KCNIP4: variants seen among roughly 807,000 people sequenced by gnomAD.
KCNIP4 encodes Kv channel-interacting protein 4.
In KCNIP4, 12 loss-of-function variants were observed where a neutral mutation model predicts 34.0. The ratio of observed to expected loss-of-function variants is 0.35; its 90% CI spans 0.23 to 0.57. The LOEUF (loss-of-function observed/expected upper bound fraction) is 0.57, where lower values mean the gene tolerates loss of function less well. KCNIP4 is among the 20% of genes least tolerant of loss of function. The probability of loss-of-function intolerance (pLI) is 0.83; values close to 1 mark genes in which losing one functional copy is unlikely to be tolerated. For synonymous variants in KCNIP4, 124 were observed against 102.2 expected, an observed-to-expected ratio of 1.21 and a Z score of -1.29; for missense variants, 238 against 311.7, an observed-to-expected ratio of 0.76 and a Z score of 1.78.
intron 1 of KCNIP4, among the ~76,000 whole-genome samples, chr4:21,768,217 T>A (rs1718552052): frequency 6.6e-6 from 1 of 152,118 alleles, no homozygotes; most frequent in East Asian, 1.9e-4. Context: ...GGATTTTGGA[T>A]ACAGTATGCA....
At chr4:21,872,583 G>A (rs1024879919) in intron 1 of KCNIP4, among the ~76,000 whole-genome samples, 2 of 152,032 alleles carry the variant, frequency 1.3e-5, no homozygotes, top group African/African-American at 2.4e-5. Context: ...AGAAAGGAGG[G>A]ACAGAGAAAA....
chr4:21,835,465 T>C (rs1560749850), intron 1 of KCNIP4, among the ~76,000 whole-genome samples: 1 of 151,734 alleles, frequency 6.6e-6, no homozygotes, highest in Admixed American at 6.6e-5. Flanking sequence ...TGTCCAATAC[T>C]AACCTTGGAT....
chr4:20,766,306 T>C (rs1755407967), intron 3 of KCNIP4, among the ~76,000 whole-genome samples: 3 of 152,264 alleles, frequency 2.0e-5, no homozygotes, highest in South Asian at 4.1e-4. Context: ...CGGTGGGTCA[T>C]GCCTGTAATC....
chr4:21,199,905 G>C (rs1412838474), intron 1 of KCNIP4, among the ~76,000 whole-genome samples: 1 of 152,068 alleles, frequency 6.6e-6, no homozygotes, highest in Admixed American at 6.6e-5. Flanking sequence ...CATGGATGAA[G>C]CTGGAAACCA....
intron 1 of KCNIP4, among the ~76,000 whole-genome samples, chr4:21,401,337 T>C (rs543311537): frequency 6.6e-6 from 1 of 152,314 alleles, no homozygotes; most frequent in Non-Finnish European, 1.5e-5. Context: ...AACATGGACT[T>C]TCTCTTTAAG....
chr4:21,465,268 T>C (rs148483313), intron 1 of KCNIP4, among the ~76,000 whole-genome samples: 3 of 152,268 alleles, frequency 2.0e-5, no homozygotes, highest in Non-Finnish European at 4.4e-5. Context: ...ATCCAGAATC[T>C]GATGGCCAAT....
At chr4:21,565,785 A>T (rs1363771148) in intron 1 of KCNIP4, among the ~76,000 whole-genome samples, 1 of 152,172 alleles carries the variant, frequency 6.6e-6, no homozygotes, top group African/African-American at 2.4e-5. Flanking sequence ...AACTCATAGA[A>T]AAATGAGGAG....
At chr4:21,312,654 C>T (rs1187534406) in intron 1 of KCNIP4, among the ~76,000 whole-genome samples, 2 of 152,196 alleles carry the variant, frequency 1.3e-5, no homozygotes, top group Non-Finnish European at 2.9e-5. Flanking sequence ...GGAATAGACA[C>T]AAGTTTCTAT....
intron 3 of KCNIP4, among the ~76,000 whole-genome samples, chr4:20,793,904 T>C (rs1713105279): frequency 6.6e-6 from 1 of 152,000 alleles, no homozygotes; most frequent in Non-Finnish European, 1.5e-5. Context: ...GAACTGTAAC[T>C]CCCACAATTC....
chr4:21,680,699 AT>A (rs1264072945), intron 1 of KCNIP4, among the ~76,000 whole-genome samples: 1 of 152,210 alleles, frequency 6.6e-6, no homozygotes, highest in Non-Finnish European at 1.5e-5. Flanking sequence ...CTCTTTGTCT[AT>A]CTCCATCAGA....
chr4:21,071,797 C>A (rs904765259), intron 1 of KCNIP4, among the ~76,000 whole-genome samples: 1 of 152,126 alleles, frequency 6.6e-6, no homozygotes, highest in South Asian at 2.1e-4. Context: ...CGTCCCTCCC[C>A]CTACCCCACA....
In KCNIP4 at chr4:21,117,315, G is replaced by C. The variant is rs566675688; in HGVS notation, c.62-234606C>G. ...CCGGGGTTGCCGGGGGGGGGGGGGG[G>C]GGGGCGCTGTTTTTCATCTTCCTCG... is the stretch of plus-strand genomic sequence containing the variant. On this transcript the variant is annotated intron_variant, in intron 1 of 8. Coordinates refer to ENST00000382152, the MANE Select transcript of KCNIP4 (RefSeq NM_025221.6). 3.7e-4 allele frequency among the ~76,000 whole-genome samples: 47 copies of C among 128,180 alleles called. 2 individuals carry two copies. The highest frequency in any genetic ancestry group is 3.6e-4 in the Non-Finnish European group (21 of 57,634). 84.1% of individuals were successfully genotyped at this position (128,180 alleles called of 152,430 possible). A position where few individuals can be genotyped will look rare whatever the true frequency, so the allele number is the denominator to read the frequency against.
chr4:21,638,686 C>T (rs1427247866), intron 1 of KCNIP4, among the ~76,000 whole-genome samples: 1 of 152,048 alleles, frequency 6.6e-6, no homozygotes, highest in Non-Finnish European at 1.5e-5. Flanking sequence ...GTTTTGACAG[C>T]CAAATAAATC....
intron 1 of KCNIP4, among the ~76,000 whole-genome samples, chr4:21,319,222 C>T (rs1402797707): frequency 2.0e-5 from 3 of 152,192 alleles, no homozygotes; most frequent in Non-Finnish European, 4.4e-5. Context: ...ATGGCTTGAT[C>T]ATGCTGGCTT....
chr4:21,125,110 A>G (rs1750500868), intron 1 of KCNIP4, among the ~76,000 whole-genome samples: 1 of 149,218 alleles, frequency 6.7e-6, no homozygotes. Flanking sequence ...AGCCAGCGTG[A>G]CTAGATGAAT....
At chr4:21,344,305 T>C (rs1358701373) in intron 1 of KCNIP4, among the ~76,000 whole-genome samples, 1 of 152,066 alleles carries the variant, frequency 6.6e-6, no homozygotes, top group Non-Finnish European at 1.5e-5. Context: ...ATGTGGCTTG[T>C]TCACTATGGG....
chr4:21,728,712 G>T (rs551513040), intron 1 of KCNIP4, among the ~76,000 whole-genome samples: 1 of 152,194 alleles, frequency 6.6e-6, no homozygotes, highest in Non-Finnish European at 1.5e-5. Context: ...CAGATATGAT[G>T]CTCTTTTAAA....
At chr4:21,007,373 T>C (rs1158824109) in intron 1 of KCNIP4, among the ~76,000 whole-genome samples, 1 of 151,602 alleles carries the variant, frequency 6.6e-6, no homozygotes, top group African/African-American at 2.4e-5. Context: ...TGTTCCAGGG[T>C]TTAGAAAAAC....
chr4:21,914,065 G>T (rs1296248035), intron 1 of KCNIP4, among the ~76,000 whole-genome samples: 1 of 152,116 alleles, frequency 6.6e-6, no homozygotes, highest in Non-Finnish European at 1.5e-5. Flanking sequence ...TGAAACAAAG[G>T]CCTGTGCAAA....
Sources: allele counts gnomAD v4.1 joint callset (sites outside exome capture counted in the v4.1 genomes callset), GRCh38; gene constraint gnomAD v4.1.1; transcripts MANE v1.5; gene names NCBI Gene and HGNC (gene_info 2026-07-23, HGNC 2026-07-21).